Variants in TACC3 observed in about 807,000 individuals in gnomAD.
The protein encoded by TACC3 is transforming acidic coiled-coil-containing protein 3.
In TACC3, 52 loss-of-function variants were observed where a neutral mutation model predicts 86.0. The observed-to-expected ratio is 0.60, with a 90% confidence interval of 0.48 to 0.76. The LOEUF is 0.76. TACC3 is among the 30% of genes least tolerant of loss of function. The pLI, the probability that TACC3 is intolerant of heterozygous loss-of-function variation, is 0.00. For synonymous variants in TACC3, 512 were observed against 430.0 expected (o/e 1.19, Z -2.36); for missense variants, 1,120 against 1,070.4 (o/e 1.05, Z -0.65).
Position 1,740,915 on chromosome 4 carries a change from A to T in TACC3, c.2152A>T (p.Met718Leu). The T allele has an allele frequency of 6.2e-7, 1 of 1,613,112 alleles. No individual in the cohort carries two copies. Residue 718 changes from methionine to leucine, a missense_variant, in exon 13 of 16, where the codon ATG becomes TTG. Met to Leu is a conservative substitution (Grantham distance 15). Transcript: ENST00000313288. ...CCAACTTACCACAGATCTGAACTCCATGGAGAAGTCCTTCTCCGACCTCTT... is the reference window on the plus strand; with the variant it reads ...CCAACTTACCACAGATCTGAACTCCTTGGAGAAGTCCTTCTCCGACCTCTT... ...KDQLTTDLNS[M>L]EKSFSDLFKR...
intron 13 of TACC3, among the ~76,000 whole-genome samples, chr4:1,744,093 T>G (rs1373699800): frequency 6.6e-6 from 1 of 151,640 alleles, no homozygotes. Context: ...GGCAGCAGCC[T>G]GTGAGGAGCA....
chr4:1,737,387 T>G (rs1304471372), intron 9 of TACC3, 59 bp downstream of exon 9: 4 of 1,517,370 alleles, frequency 2.6e-6, no homozygotes, highest in Non-Finnish European at 3.7e-6. Flanking sequence ...ACGAGTTGTT[T>G]TAAGGGCCTA....
Position 1,735,289 on chromosome 4 carries a change from G to T in TACC3, c.1608G>T (p.Ala536=), listed in dbSNP as rs202067228. 1 of 1,614,048 alleles carries T rather than the reference G, an allele frequency of 6.2e-7. No homozygotes were observed. The highest frequency in any genetic ancestry group is 1.3e-5 in the African/African-American group (1 of 75,068). Residue 536 remains alanine, a synonymous_variant, in exon 7 of 16, where the codon GCG becomes GCT. Transcript: ENST00000313288. The surrounding 1 kb of genome is among the most constrained non-coding windows in gnomAD (Gnocchi z 4.2). ...TCCTCTCAGTTCTAGGCACGGGCGC[G>T]GAGGTGGATTACCTGGAGCAGTTTG... The part of the protein sequence containing the change: ...RDPAEVLGTG[A]EVDYLEQFGT...
chr4:1,722,222 C>T lies in TACC3; in HGVS notation c.-2+579C>T, dbSNP rs556950758. On this transcript the variant is annotated intron_variant, in intron 1 of 15. Transcript: ENST00000313288. ...CCGGGCCTCCATAGTCAGTAAAGGC[C>T]CCTCCTGACTAAGGCTGGGTCTGCT... is the stretch of plus-strand genomic sequence containing the variant. 3.9e-5 allele frequency among the ~76,000 whole-genome samples: 6 copies of T among 152,288 alleles called. No homozygotes were observed. The South Asian group carries it at 6.2e-4, about 16-fold the overall frequency.
In TACC3 at chr4:1,735,464, A is replaced by G. The variant is rs1329556984; in HGVS notation, c.1644+139A>G. 5.0e-6 allele frequency: 5 copies of G among 1,004,110 alleles called. No individual in the cohort carries two copies. In the African/African-American group the frequency reaches 6.4e-5, roughly 13 times the overall value. 62.2% of individuals were successfully genotyped at this position (1,004,110 alleles called of 1,614,324 possible). On this transcript the variant is annotated intron_variant, in intron 7 of 15. Coordinates refer to ENST00000313288, the MANE Select transcript of TACC3 (RefSeq NM_006342.3). The surrounding 1 kb of genome is among the most constrained non-coding windows in gnomAD (Gnocchi z 4.2). ...GCCCAGGCATTGTGGCGGGCTGTGA[A>G]TCCAGGGCCCCTTCTGCAGCACCTC...
At chr4:1,739,548 G>A in intron 10 of TACC3, 154 bp from the exon 11 acceptor site, 4 of 698,922 alleles carry the variant, frequency 5.7e-6, no homozygotes, top group South Asian at 3.8e-5. Context: ...GCCTCGACAG[G>A]GTTCCCAGGG....
chr4:1,739,768 C>A lies in TACC3; in HGVS notation c.2008C>A (p.Leu670Met), dbSNP rs756359896. ...SRCEELHGKNLELGKIMDRFE... is the reference protein window; with the variant it reads ...SRCEELHGKNMELGKIMDRFE... ...GTGTGAGGAGCTCCACGGGAAGAAC[C>A]TGGAACTGGGGTAAGGAGGCCCCGT... Residue 670 changes from leucine to methionine, a missense_variant, in exon 11 of 16, where the codon CTG (leucine) becomes ATG (methionine). Physicochemically the swap from Leu to Met is conservative, Grantham distance 15. Transcript: ENST00000313288. The A allele has an allele frequency of 1.1e-5, 17 of 1,585,870 alleles. No individual in the cohort carries two copies. The South Asian group carries it at 1.9e-4, about 18-fold the overall frequency.
At position 1,723,531 on chromosome 4, in the gene TACC3, G is replaced by C. The variant is rs763459971; in HGVS notation, c.110G>C (p.Arg37Pro). ...PEVTGRSSVL[R>P]VSQKENVPPK... ...GTTACCGGAAGATCGTCTGTTCTTC[G>C]TGTGTCACAGAAAGAAAATGTGCCA... The change falls in exon 2 of 16, where the codon CGT becomes CCT. Residue 37 changes from arginine to proline, a missense_variant. Transcript: ENST00000313288. 1.2e-6 allele frequency: 2 copies of C among 1,613,704 alleles called. No individual in the cohort carries two copies. Among genetic ancestry groups the C allele is most frequent in the Middle Eastern group, 1.6e-4 (1 of 6,062 alleles).
At chr4:1,742,384 G>A (rs977332153) in intron 13 of TACC3, among the ~76,000 whole-genome samples, 7 of 152,200 alleles carry the variant, frequency 4.6e-5, no homozygotes, top group African/African-American at 7.2e-5. Flanking sequence ...GCCTCTCCCC[G>A]GGGCAGGCCT....
In TACC3 at chr4:1,728,265, C is replaced by G. The variant is rs755574661; in HGVS notation, c.863C>G (p.Thr288Ser). ...GGCACCCCCGTGCCAGCAGATGGCA[C>G]TCAGACCCTTACCTGTGCACACACC... The part of the protein sequence containing the change: ...GVGTPVPADG[T>S]QTLTCAHTSA... Residue 288 changes from threonine (T) to serine (S), a missense_variant, in exon 4 of 16, where the codon ACT becomes AGT. Physicochemically the swap from Thr to Ser is moderately conservative, Grantham distance 58 (BLOSUM62 1). Transcript: ENST00000313288. 1 of 1,612,716 alleles carries G rather than the reference C, an allele frequency of 6.2e-7. No homozygotes were observed. The highest frequency in any genetic ancestry group is 1.7e-5 in the Admixed American group (1 of 60,022).
At position 1,744,994 on chromosome 4, in the gene TACC3, C is replaced by T. The variant is rs756778960; in HGVS notation, c.2498C>T (p.Ser833Phe). The T allele has an allele frequency of 1.2e-6, 2 of 1,609,718 alleles. No homozygotes were observed. ...ELTRICDDLI[S>F]KMEKI ...ACCAGGATCTGCGACGACCTCATCT[C>T]CAAGATGGAGAAGATCTGACCTCCA... is the stretch of plus-strand genomic sequence containing the variant. The change falls in exon 16 of 16, where the codon TCC (serine) becomes TTC (phenylalanine). Residue 833 changes from serine (S) to phenylalanine (F), a missense_variant. Transcript: ENST00000313288.
intron 8 of TACC3, among the ~76,000 whole-genome samples, chr4:1,736,776 G>A (rs543892659): frequency 5.9e-4 from 90 of 152,268 alleles, no homozygotes; most frequent in African/African-American, 2.0e-3. Flanking sequence ...CGGGTGAGGC[G>A]GCAGGCGCCT....
rs1456969738 is a variant in TACC3 at position 1,735,509 on chromosome 4, G to A, written c.1644+184G>A. Among the ~76,000 whole-genome samples, 1 of 152,138 alleles carries A rather than the reference G, an allele frequency of 6.6e-6. No individual in the cohort carries two copies. Among genetic ancestry groups the A allele is most frequent in the Admixed American group, 6.5e-5 (1 of 15,286 alleles). On this transcript the variant is annotated intron_variant, in intron 7 of 15. Transcript: ENST00000313288. This position sits in a 1 kb window ranked among gnomAD's most constrained non-coding sequence, Gnocchi z 4.2. ...CACCTCCTCTAAGTGGTGTCCTGTG[G>A]CAGGGCTCTAGGGCTCTCTACCTGG...
chr4:1,737,194 A>G, intron 8 of TACC3, 47 bp from the exon 9 acceptor site: 1 of 1,509,394 alleles, frequency 6.6e-7, no homozygotes, highest in Non-Finnish European at 9.2e-7. Flanking sequence ...TGTCCTACTC[A>G]ACACTGGGAG....
At chr4:1,729,562 G>A (rs1265132501) in intron 4 of TACC3, among the ~76,000 whole-genome samples, 1 of 152,184 alleles carries the variant, frequency 6.6e-6, no homozygotes, top group African/African-American at 2.4e-5. Context: ...CGGAGAGAGA[G>A]GACAGCTGAC....
intron 4 of TACC3, chr4:1,730,642 G>A (rs1717957995): frequency 6.2e-6 from 4 of 646,104 alleles, no homozygotes; most frequent in Non-Finnish European, 1.2e-5. Flanking sequence ...GCTGACTTTA[G>A]AGCTCCCAGC....
In TACC3 at chr4:1,721,596, TGGC is replaced by T; in HGVS notation, c.-38_-36del. The T allele has an allele frequency of 1.3e-5, 2 of 152,554 alleles. No homozygotes were observed. Among genetic ancestry groups the T allele is most frequent in the Non-Finnish European group, 2.9e-5 (2 of 68,376 alleles). 9.5% of individuals were successfully genotyped at this position (152,554 alleles called of 1,614,324 possible). The stretch of plus-strand genomic sequence containing the variant: ...GGAGCAGACGCGGACCCCTCCTTCC[TGGC>T]GGCGGCGGCGCGGGCTCAGAGCCCG... On this transcript the variant is annotated 5_prime_UTR_variant, in exon 1 of 16. Transcript: ENST00000313288.
At position 1,728,542 on chromosome 4, in the gene TACC3, G is replaced by C. The variant is rs763911841; in HGVS notation, c.1140G>C (p.Glu380Asp). The C allele has an allele frequency of 1.2e-6, 2 of 1,614,030 alleles. No individual in the cohort carries two copies. The highest frequency in any genetic ancestry group is 1.7e-6 in the Non-Finnish European group (2 of 1,179,988). ...TGAGGCAGCAAAAGGCCCCGCAGGA[G>C]GTGGAGGAGGACGACGGTAGGAGCG... is the stretch of plus-strand genomic sequence containing the variant. ...AAVRQQKAPQ[E>D]VEEDDGRSGA... The change falls in exon 4 of 16, where the codon GAG (glutamate) becomes GAC (aspartate). Residue 380 changes from glutamate to aspartate, a missense_variant. Coordinates refer to ENST00000313288, the MANE Select transcript of TACC3 (RefSeq NM_006342.3).
chr4:1,739,374 C>T, intron 10 of TACC3: 1 of 366,362 alleles, frequency 2.7e-6, no homozygotes, highest in Non-Finnish European at 4.9e-6. Flanking sequence ...TTGGAGTTCA[C>T]TATATTTAAC....
Sources: gnomAD v4.1 joint callset for allele counts (sites outside exome capture counted in the v4.1 genomes callset) on GRCh38, gnomAD v4.1.1 for gene constraint, Gnocchi (gnomAD v3.1) non-coding constraint, MANE v1.5 for transcripts, NCBI Gene and HGNC (gene_info 2026-07-23, HGNC 2026-07-21) for gene names.